The following GPC6 variants were observed in gnomAD, a reference collection of about 807,000 sequenced individuals.
The protein encoded by GPC6 is glypican-6.
A neutral mutation model predicts 55.2 loss-of-function variants in GPC6; 14 were observed. That is an observed-to-expected ratio of 0.25 (90% CI 0.17 to 0.40). GPC6 has a LOEUF of 0.40. GPC6 is among the 10% of genes least tolerant of loss of function. GPC6 has a pLI of 1.00. For missense variants in GPC6, 641 were observed against 708.5 expected (o/e 0.90, Z 1.08); for synonymous variants, 278 against 259.6 (o/e 1.07, Z -0.68).
chr13:93,574,055 C>T (rs146426690), intron 2 of GPC6, among the ~76,000 whole-genome samples: 50 of 152,126 alleles, frequency 3.3e-4, no homozygotes, highest in African/African-American at 1.0e-3. Context: ...AAGTATCCTA[C>T]GAACTTTGGT....
At chr13:93,516,271 A>AC (rs1189107238) in intron 1 of GPC6, among the ~76,000 whole-genome samples, 1 of 152,188 alleles carries the variant, frequency 6.6e-6, no homozygotes, top group African/African-American at 2.4e-5. Flanking sequence ...TGTTGCACTC[A>AC]CTTTTTCATG....
chr13:94,294,857 G>T (rs1385505993), intron 5 of GPC6, among the ~76,000 whole-genome samples: 3 of 151,904 alleles, frequency 2.0e-5, no homozygotes, highest in Non-Finnish European at 4.4e-5. Context: ...TTTTTTTACG[G>T]TTATTTTTGT....
In GPC6 at chr13:94,250,655, A is replaced by AAT. The variant is rs1891320682; in HGVS notation, c.878-35694_878-35693insAT. On this transcript the variant is annotated intron_variant, in intron 4 of 8. Coordinates refer to ENST00000377047, the MANE Select transcript of GPC6 (RefSeq NM_005708.5). Reference sequence around the variant, plus strand: ...CCAGTTTCCTGAAGGAGACTTGATTACAACTCCCCTGTGAGAAAAACAATG... The same window carrying AAT: ...CCAGTTTCCTGAAGGAGACTTGATTAATCAACTCCCCTGTGAGAAAAACAATG... Among the ~76,000 whole-genome samples the AAT allele has an allele frequency of 2.0e-5, 3 of 152,164 alleles. No homozygotes were observed. In the East Asian group the frequency reaches 5.8e-4, roughly 29 times the overall value.
intron 6 of GPC6, among the ~76,000 whole-genome samples, chr13:94,316,186 A>C (rs1876513997): frequency 6.6e-6 from 1 of 152,184 alleles, no homozygotes; most frequent in Admixed American, 6.5e-5. Flanking sequence ...AAAAAAATTT[A>C]GAATCCTAGG....
intron 2 of GPC6, among the ~76,000 whole-genome samples, chr13:93,762,903 G>A (rs1417372849): frequency 1.3e-5 from 2 of 152,174 alleles, no homozygotes; most frequent in Non-Finnish European, 2.9e-5. Context: ...TTGCCCCTGT[G>A]CCAAGAAGAC....
intron 2 of GPC6, among the ~76,000 whole-genome samples, chr13:93,634,824 G>T (rs971874815): frequency 6.6e-6 from 1 of 152,118 alleles, no homozygotes. Context: ...GTGGTCAGTC[G>T]CAGGCCAGCA....
rs75144110 is a variant in GPC6, at chr13:93,695,321, A to G, written c.320-134833A>G. 2.6e-5 allele frequency among the ~76,000 whole-genome samples: 4 copies of G among 152,204 alleles called. No homozygotes were observed. In the East Asian group the frequency reaches 7.7e-4, roughly 29 times the overall value. On this transcript the variant is annotated intron_variant, in intron 2 of 8. Coordinates refer to ENST00000377047, the MANE Select transcript of GPC6 (RefSeq NM_005708.5). ...GATTGACAGCAGTAGGTATAATGCAAATAACAATATTCCAACATGTTATTT... is the reference window on the plus strand; with the variant it reads ...GATTGACAGCAGTAGGTATAATGCAGATAACAATATTCCAACATGTTATTT...
chr13:94,349,847 GTATC>G (rs1346311218), intron 6 of GPC6, among the ~76,000 whole-genome samples: 1 of 152,022 alleles, frequency 6.6e-6, no homozygotes, highest in Non-Finnish European at 1.5e-5. Flanking sequence ...TCTTAACTAT[GTATC>G]TATCTGTCTT....
chr13:94,335,129 C>T (rs1877614847), intron 6 of GPC6, among the ~76,000 whole-genome samples: 1 of 152,120 alleles, frequency 6.6e-6, no homozygotes, highest in African/African-American at 2.4e-5. Context: ...AGTGAGTTGT[C>T]TTATCCTTAC....
chr13:94,392,296 GTAA>G (rs1880681242), intron 7 of GPC6, among the ~76,000 whole-genome samples: 1 of 151,492 alleles, frequency 6.6e-6, no homozygotes, highest in Non-Finnish European at 1.5e-5. Context: ...AGTAGCAGCT[GTAA>G]TAATAATATA....
At chr13:94,272,515 C>T (rs1292230208) in intron 4 of GPC6, among the ~76,000 whole-genome samples, 1 of 128,096 alleles carries the variant, frequency 7.8e-6, no homozygotes, top group Non-Finnish European at 1.5e-5. Flanking sequence ...GTTGCCCAGG[C>T]TGGAGTGCAG....
At chr13:93,569,517 C>A (rs9589775) in intron 2 of GPC6, among the ~76,000 whole-genome samples, 1 of 151,768 alleles carries the variant, frequency 6.6e-6, no homozygotes, top group Admixed American at 6.6e-5. Flanking sequence ...TTTTTAAAAC[C>A]TCACTGCTCA....
intron 2 of GPC6, among the ~76,000 whole-genome samples, chr13:93,760,402 G>A (rs927993089): frequency 3.3e-5 from 5 of 152,154 alleles, no homozygotes; most frequent in Admixed American, 6.5e-5. Context: ...CTCACACCTG[G>A]AGTAAGAGAG....
intron 4 of GPC6, among the ~76,000 whole-genome samples, chr13:94,259,436 A>G (rs1016137958): frequency 2.6e-5 from 4 of 152,198 alleles, no homozygotes; most frequent in Non-Finnish European, 5.9e-5. Flanking sequence ...AGACAACTCT[A>G]GGCTGGGCTG....
intron 4 of GPC6, among the ~76,000 whole-genome samples, chr13:94,155,041 G>T (rs1302199936): frequency 6.6e-6 from 1 of 152,072 alleles, no homozygotes; most frequent in African/African-American, 2.4e-5. Context: ...TGGTCCTTTA[G>T]TCCGGCTCCC....
At chr13:93,217,085 G>T in the GPC6 span, among the ~76,000 whole-genome samples, 3 of 152,162 alleles carry the variant, frequency 2.0e-5, no homozygotes, top group Non-Finnish European at 4.4e-5. Flanking sequence ...AAAGTCCAAA[G>T]ACTTCTAATG....
At chr13:93,743,495 A>AT in intron 2 of GPC6, among the ~76,000 whole-genome samples, 1 of 152,134 alleles carries the variant, frequency 6.6e-6, no homozygotes, top group Non-Finnish European at 1.5e-5. Flanking sequence ...AATTTTCATT[A>AT]TTTTTTACTG....
intron 2 of GPC6, among the ~76,000 whole-genome samples, chr13:93,734,444 A>G (rs1045933939): frequency 6.6e-6 from 1 of 152,146 alleles, no homozygotes; most frequent in African/African-American, 2.4e-5. Flanking sequence ...CTGGGTGAAG[A>G]GCATTGAACA....
chr13:93,728,407 A>C (rs1281160203), intron 2 of GPC6, among the ~76,000 whole-genome samples: 1 of 149,908 alleles, frequency 6.7e-6, no homozygotes, highest in Admixed American at 6.7e-5. Flanking sequence ...TTATATATAT[A>C]TATTTTTATT....
Sources: gnomAD v4.1 joint callset for allele counts (sites outside exome capture counted in the v4.1 genomes callset) on GRCh38, gnomAD v4.1.1 for gene constraint, MANE v1.5 for transcripts, NCBI Gene and HGNC (gene_info 2026-07-23, HGNC 2026-07-21) for gene names.